The following DTD1 variants were observed in gnomAD, a reference collection of about 807,000 sequenced individuals.
The protein encoded by DTD1 is D-aminoacyl-tRNA deacylase 1, also known as D-tyrosyl-tRNA deacylase 1 homolog.
DTD1 carries 13 observed loss-of-function variants against 25.6 expected under a neutral mutation model. The observed-to-expected ratio is 0.51, with a 90% CI of 0.33 to 0.81. The LOEUF (loss-of-function observed/expected upper bound fraction) is 0.81. Ranked by LOEUF, DTD1 falls within the 30% of genes least tolerant of loss-of-function variation. The probability of loss-of-function intolerance (pLI) is 0.02; values close to 1 mark genes in which losing one functional copy is unlikely to be tolerated. For synonymous variants in DTD1, 110 were observed against 103.6 expected, an observed-to-expected ratio of 1.06 and a Z score of -0.37; for missense variants, 193 against 266.4, an observed-to-expected ratio of 0.72 and a Z score of 1.92.
In DTD1 at chr20:18,763,982, G is replaced by A. The variant is rs890254140; in HGVS notation, c.*642G>A. On this transcript the variant is annotated 3_prime_UTR_variant, in exon 6 of 6. Transcript: ENST00000377452. Reference sequence around the variant, plus strand: ...TGCAATGCGTCTGACCTCTCTCTATGCGTATCTACACTTCTTTTCACATAA... The same window carrying A: ...TGCAATGCGTCTGACCTCTCTCTATACGTATCTACACTTCTTTTCACATAA... 2.6e-5 allele frequency: 4 copies of A among 152,052 alleles called. No individual in the cohort carries two copies. Among genetic ancestry groups the A allele is most frequent in the African/African-American group, 9.7e-5 (4 of 41,382 alleles). 9.4% of individuals were successfully genotyped at this position (152,052 alleles called of 1,614,324 possible). A position where few individuals can be genotyped will look rare whatever the true frequency, so the allele number is the denominator to read the frequency against.
chr20:18,696,377 C>G (rs1452056775), intron 4 of DTD1, among the ~76,000 whole-genome samples: 1 of 152,122 alleles, frequency 6.6e-6, no homozygotes, highest in South Asian at 2.1e-4. Flanking sequence ...ACGTCTTTCT[C>G]GGTCTCAGGT....
At chr20:18,589,266 G>A (rs1158469127) in intron 1 of DTD1, among the ~76,000 whole-genome samples, 1 of 152,016 alleles carries the variant, frequency 6.6e-6, no homozygotes, top group Non-Finnish European at 1.5e-5. Flanking sequence ...TAGGAGAATC[G>A]CTTGAACCCG....
At chr20:18,659,233 C>A (rs907434081) in intron 4 of DTD1, among the ~76,000 whole-genome samples, 5 of 152,136 alleles carry the variant, frequency 3.3e-5, no homozygotes, top group African/African-American at 1.2e-4. Flanking sequence ...GGATGCAAGC[C>A]TGAGTCAGGT....
At position 18,671,304 on chromosome 20, in the gene DTD1, A is replaced by G. The variant is rs562077784; in HGVS notation, c.477+43071A>G. Among the ~76,000 whole-genome samples the G allele has an allele frequency of 2.0e-5, 3 of 152,358 alleles. No individual in the cohort carries two copies. In the South Asian group the frequency reaches 6.2e-4, roughly 32 times the overall value. On this transcript the variant is annotated intron_variant, in intron 4 of 5. Coordinates refer to ENST00000377452, the MANE Select transcript of DTD1 (RefSeq NM_080820.6). ...AATGAAAAAATGTTTAAAACATTGT[A>G]GTTGTAAAGAGTCTGGGGTCATGCG...
chr20:18,661,000 T>C (rs527476178), intron 4 of DTD1, among the ~76,000 whole-genome samples: 1 of 152,302 alleles, frequency 6.6e-6, no homozygotes, highest in South Asian at 2.1e-4. Context: ...TCTATAGATG[T>C]CTTGTTGATC....
At chr20:18,628,552 A>ATCTGGG (rs961655426) in intron 4 of DTD1, among the ~76,000 whole-genome samples, 6 of 152,106 alleles carry the variant, frequency 3.9e-5, no homozygotes, top group Non-Finnish European at 8.8e-5. Context: ...CAGCAGAGCA[A>ATCTGGG]TGGCCCTGGA....
Position 18,588,728 on chromosome 20 carries a change from G to A in DTD1, c.43+613G>A, listed in dbSNP as rs554277909. ...TCGCCCGCTGAACTCTGCGCGGAGG[G>A]GTCGGGATCTAAAGAATTCAAGATG... is the stretch of plus-strand genomic sequence containing the variant. On this transcript the variant is annotated intron_variant, in intron 1 of 5. Coordinates refer to ENST00000377452, the MANE Select transcript of DTD1 (RefSeq NM_080820.6). 8.1e-6 allele frequency: 8 copies of A among 985,250 alleles called. No individual in the cohort carries two copies. The East Asian group carries it at 9.1e-4, about 112-fold the overall frequency. 61.0% of individuals were successfully genotyped at this position (985,250 alleles called of 1,614,324 possible). A position where few individuals can be genotyped will look rare whatever the true frequency, so the allele number is the denominator to read the frequency against.
At chr20:18,588,856 A>C in intron 1 of DTD1, 1 of 985,466 alleles carries the variant, frequency 1.0e-6, no homozygotes, top group Non-Finnish European at 1.2e-6. Flanking sequence ...ATTAGTGTAG[A>C]TAAAGTAGTC....
chr20:18,735,540 T>C (rs1267085643), intron 4 of DTD1, among the ~76,000 whole-genome samples: 3 of 152,356 alleles, frequency 2.0e-5, no homozygotes, highest in East Asian at 3.9e-4. Flanking sequence ...ATAATATCTG[T>C]TCTTGATTTT....
At position 18,744,155 on chromosome 20, in the gene DTD1, C is replaced by T. The variant is rs2061290432; in HGVS notation, c.533C>T (p.Pro178Leu). The T allele has an allele frequency of 6.2e-7, 1 of 1,612,222 alleles. No individual in the cohort carries two copies. The highest frequency in any genetic ancestry group is 1.7e-5 in the Admixed American group (1 of 59,976). Residue 178 changes from proline to leucine, a missense_variant, in exon 5 of 6, where the codon CCT (proline) becomes CTT (leucine). Coordinates refer to ENST00000377452, the MANE Select transcript of DTD1 (RefSeq NM_080820.6). ...QRKEKTRAKG[P>L]SESSKERNTP... The stretch of plus-strand genomic sequence containing the variant: ...AAAGAAAAGACCAGAGCTAAGGGAC[C>T]TTCTGAATCAAGCAAGGAAAGAAAC...
intron 1 of DTD1, among the ~76,000 whole-genome samples, chr20:18,593,046 A>G (rs2060596653): frequency 6.6e-6 from 1 of 152,112 alleles, no homozygotes; most frequent in Non-Finnish European, 1.5e-5. Flanking sequence ...ACATTTGGTT[A>G]TAAATACATA....
At chr20:18,716,089 C>T (rs2061179531) in intron 4 of DTD1, among the ~76,000 whole-genome samples, 1 of 152,136 alleles carries the variant, frequency 6.6e-6, no homozygotes, top group Non-Finnish European at 1.5e-5. Flanking sequence ...TTTGGATTCA[C>T]CAGCACCCAG....
chr20:18,721,220 T>G (rs527868438), intron 4 of DTD1, among the ~76,000 whole-genome samples: 1 of 152,338 alleles, frequency 6.6e-6, no homozygotes, highest in Admixed American at 6.5e-5. Flanking sequence ...TTTGTTTCAA[T>G]AAATCCTTTT....
At chr20:18,676,861 G>A (rs1187350283) in intron 4 of DTD1, among the ~76,000 whole-genome samples, 4 of 152,074 alleles carry the variant, frequency 2.6e-5, no homozygotes, top group African/African-American at 7.2e-5. Flanking sequence ...AGTAATTCTC[G>A]TTCGCCCTTG....
At chr20:18,610,277 CAGAG>C (rs2060681164) in intron 3 of DTD1, among the ~76,000 whole-genome samples, 1 of 152,066 alleles carries the variant, frequency 6.6e-6, no homozygotes, top group Admixed American at 6.6e-5. Context: ...TTCTTTTTGA[CAGAG>C]AGGGTCTTGC....
chr20:18,751,770 A>T (rs1353893011), intron 5 of DTD1, among the ~76,000 whole-genome samples: 1 of 152,016 alleles, frequency 6.6e-6, no homozygotes, highest in African/African-American at 2.4e-5. Flanking sequence ...CTGGGATTAC[A>T]GGAGTGAGCC....
At position 18,606,850 on chromosome 20, in the gene DTD1, C is replaced by T. The variant is rs1289898667; in HGVS notation, c.370+10609C>T. Among the ~76,000 whole-genome samples, 372 of 148,046 alleles carry T rather than the reference C, an allele frequency of 2.5e-3. 1 individual carries two copies. The highest frequency in any genetic ancestry group is 8.3e-3 in the African/African-American group (330 of 39,886). On this transcript the variant is annotated intron_variant, in intron 3 of 5. Coordinates refer to ENST00000377452, the MANE Select transcript of DTD1 (RefSeq NM_080820.6). ...CTAGATGACGAGTTAGTGGGTGTAG[C>T]GCACCAGCATGGCACATGTATACAT... is the stretch of plus-strand genomic sequence containing the variant.
chr20:18,639,207 G>A (rs1354279421), intron 4 of DTD1, among the ~76,000 whole-genome samples: 12 of 144,300 alleles, frequency 8.3e-5, no homozygotes, highest in Non-Finnish European at 1.5e-4. Context: ...AAGCAAGCAA[G>A]TTCAGGGAAG....
At chr20:18,742,620 A>G (rs1199063617) in intron 4 of DTD1, among the ~76,000 whole-genome samples, 4 of 152,200 alleles carry the variant, frequency 2.6e-5, no homozygotes, top group Admixed American at 6.5e-5. Flanking sequence ...GAACAGTTTC[A>G]TCCTGAAACC....
Sources: allele counts gnomAD v4.1 joint callset (sites outside exome capture counted in the v4.1 genomes callset), GRCh38; gene constraint gnomAD v4.1.1; transcripts MANE v1.5; gene names NCBI Gene and HGNC (gene_info 2026-07-23, HGNC 2026-07-21).